Variants in AMPD3 observed in about 807,000 individuals in gnomAD.
The protein encoded by AMPD3 is AMP deaminase 3.
A neutral mutation model predicts 82.3 loss-of-function variants in AMPD3; 57 were observed. The observed-to-expected ratio is 0.69, with a 90% CI of 0.56 to 0.86. The LOEUF is 0.86. AMPD3 is among the 40% of genes least tolerant of loss of function. The probability of loss-of-function intolerance (pLI) is 0.00; values close to 1 mark genes in which losing one functional copy is unlikely to be tolerated. For missense variants in AMPD3, 870 were observed against 1,003.8 expected, an observed-to-expected ratio of 0.87 and a Z score of 1.80; for synonymous variants, 381 against 394.7, an observed-to-expected ratio of 0.97 and a Z score of 0.41.
chr11:10,478,448 G>A (rs3741043), intron 2 of AMPD3, 78 bp from the exon 3 acceptor site: 89,830 of 1,587,058 alleles, frequency 0.057, 4,980 homozygotes, highest in South Asian at 0.22. Flanking sequence ...CTCCTGCCAC[G>A]CACACAGCAA....
At chr11:10,477,843 T>A in intron 2 of AMPD3, 3 of 978,890 alleles carry the variant, frequency 3.1e-6, no homozygotes, top group Non-Finnish European at 3.6e-6. Context: ...CTGTGAGAAG[T>A]AGGCTGATCT....
chr11:10,470,026 C>T lies in AMPD3; in HGVS notation c.221+8286C>T, dbSNP rs61553296. On this transcript the variant is annotated intron_variant, in intron 2 of 14. Transcript: ENST00000396553. ...CTGCACTCCAGCCTGGGCGACAGAGCGAGACTCCGTCTCAAAAAAAAAAAA... is the reference window on the plus strand; with the variant it reads ...CTGCACTCCAGCCTGGGCGACAGAGTGAGACTCCGTCTCAAAAAAAAAAAA... 9.4e-3 allele frequency among the ~76,000 whole-genome samples: 1,285 copies of T among 137,298 alleles called. 18 individuals are homozygous for T. Among genetic ancestry groups the T allele is most frequent in the African/African-American group, 0.033 (1,209 of 36,426 alleles). 90.1% of individuals were successfully genotyped at this position (137,298 alleles called of 152,430 possible). A position where few individuals can be genotyped will look rare whatever the true frequency, so the allele number is the denominator to read the frequency against.
At chr11:10,472,538 G>A (rs922035711) in intron 2 of AMPD3, among the ~76,000 whole-genome samples, 2 of 152,148 alleles carry the variant, frequency 1.3e-5, no homozygotes, top group African/African-American at 4.8e-5. Flanking sequence ...TGTTTTGAGT[G>A]AAATTGAGAA....
intron 10 of AMPD3, among the ~76,000 whole-genome samples, chr11:10,498,635 T>C (rs1005402344): frequency 6.6e-6 from 1 of 152,208 alleles, no homozygotes; most frequent in South Asian, 2.1e-4. Context: ...CACACAGGGC[T>C]CTGTGACACG....
intron 6 of AMPD3, 126 bp downstream of exon 6, chr11:10,487,490 C>T (rs1186750752): frequency 1.8e-5 from 25 of 1,375,526 alleles, no homozygotes; most frequent in Middle Eastern, 2.4e-4. Flanking sequence ...GGGCGGCCTT[C>T]GTGGCCAGAG....
At chr11:10,489,550 G>T (rs1329499399) in intron 6 of AMPD3, among the ~76,000 whole-genome samples, 1 of 152,174 alleles carries the variant, frequency 6.6e-6, no homozygotes, top group Admixed American at 6.5e-5. Flanking sequence ...TCTGGACAGA[G>T]ATGACCTTGA....
chr11:10,494,538 G>T (rs933090061), intron 7 of AMPD3: 1 of 984,798 alleles, frequency 1.0e-6, no homozygotes, highest in Non-Finnish European at 1.2e-6. Context: ...ACAAAACATT[G>T]AATGATATAA....
upstream of AMPD3, among the ~76,000 whole-genome samples, chr11:10,454,696 G>A (rs144691230): frequency 6.6e-6 from 1 of 152,126 alleles, no homozygotes; most frequent in African/African-American, 2.4e-5. Flanking sequence ...TTCCCTGAAC[G>A]TGTCGGACTT....
At chr11:10,491,002 G>A (rs145002683) in intron 6 of AMPD3, among the ~76,000 whole-genome samples, 72 of 152,328 alleles carry the variant, frequency 4.7e-4, no homozygotes, top group African/African-American at 1.6e-3. Flanking sequence ...TAACGACATG[G>A]GCTGGCTGGC....
chr11:10,499,873 A>G (rs1849526414), intron 10 of AMPD3: 3 of 985,134 alleles, frequency 3.0e-6, no homozygotes, highest in South Asian at 4.7e-5. Flanking sequence ...CAGAGTACCT[A>G]TGGAAGCTCC....
intron 3 of AMPD3, chr11:10,479,831 A>G (rs1195228112): frequency 2.3e-6 from 2 of 877,070 alleles, no homozygotes; most frequent in Admixed American, 1.2e-4. Context: ...TGTACATAGT[A>G]TTCCTTTATG....
intron 6 of AMPD3, among the ~76,000 whole-genome samples, 170 bp from the exon 7 acceptor site, chr11:10,493,179 C>T (rs114282583): frequency 2.6e-5 from 4 of 152,134 alleles, no homozygotes; most frequent in Non-Finnish European, 5.9e-5. Flanking sequence ...GGGAGGGATA[C>T]CAGTTCCGAA....
At position 10,502,704 on chromosome 11, in the gene AMPD3, CG is replaced by C; in HGVS notation, c.1843-15del. 1.2e-6 allele frequency: 2 copies of C among 1,613,770 alleles called. No individual in the cohort carries two copies. The highest frequency in any genetic ancestry group is 8.5e-7 in the Non-Finnish European group (1 of 1,179,898). The stretch of plus-strand genomic sequence containing the variant: ...CTCTCTGGCACTTGTCACATGAGTT[CG>C]GTGGTTCTTTTGCAGAGTCCGGTAT... On this transcript the variant is annotated splice_polypyrimidine_tract_variant and intron_variant, in intron 12 of 14. Coordinates refer to ENST00000396553, the MANE Select transcript of AMPD3 (RefSeq NM_001025389.2).
intron 10 of AMPD3, 34 bp from the exon 11 acceptor site, chr11:10,500,052 C>T: frequency 6.2e-7 from 1 of 1,613,838 alleles, no homozygotes. Context: ...CCTGGTCCTG[C>T]CTTGGCCTGG....
chr11:10,464,318 T>A (rs1318775893), intron 2 of AMPD3, among the ~76,000 whole-genome samples: 1 of 152,216 alleles, frequency 6.6e-6, no homozygotes, highest in Non-Finnish European at 1.5e-5. Context: ...TGGATATTCT[T>A]AGTATTCTGA....
intron 2 of AMPD3, among the ~76,000 whole-genome samples, chr11:10,469,511 A>G (rs934937843): frequency 2.0e-5 from 3 of 152,214 alleles, no homozygotes; most frequent in Non-Finnish European, 4.4e-5. Context: ...TGAATAGCCT[A>G]CCAACCAAAA....
chr11:10,480,396 C>G (rs183297832), intron 3 of AMPD3, among the ~76,000 whole-genome samples: 59 of 151,822 alleles, frequency 3.9e-4, no homozygotes, highest in African/African-American at 1.3e-3. Flanking sequence ...CTCACCTATT[C>G]CTGCCGCTCT....
chr11:10,494,903 G>A lies in AMPD3; in HGVS notation c.1139G>A (p.Arg380Gln), dbSNP rs749864147. 35 of 1,613,906 alleles carry A rather than the reference G, an allele frequency of 2.2e-5. No homozygotes were observed. Among genetic ancestry groups the A allele is most frequent in the Middle Eastern group, 1.7e-4 (1 of 6,026 alleles). ...TVDSLDVHAG[R>Q]QTFHRFDKFN... is the part of the protein sequence containing the mutation. ...TGGTGTGGTCTCCCCCCTCAGGGCC[G>A]GCAGACATTCCACCGCTTTGACAAG... is the stretch of plus-strand genomic sequence containing the variant. The change falls in exon 8 of 15, where the codon CGG (arginine) becomes CAG (glutamine). Residue 380 changes from arginine (R) to glutamine (Q), a missense_variant. Physicochemically the swap from Arg to Gln is conservative, Grantham distance 43. Coordinates refer to ENST00000396553, the MANE Select transcript of AMPD3 (RefSeq NM_001025389.2).
At chr11:10,493,210 G>T (rs1448455439) in intron 6 of AMPD3, 139 bp from the exon 7 acceptor site, 4 of 952,278 alleles carry the variant, frequency 4.2e-6, no homozygotes, top group Non-Finnish European at 5.1e-6. Flanking sequence ...GAAATGGGGG[G>T]TGGGATCCAG....
Sources: gnomAD v4.1 joint callset for allele counts (sites outside exome capture counted in the v4.1 genomes callset) on GRCh38, gnomAD v4.1.1 for gene constraint, MANE v1.5 for transcripts, NCBI Gene and HGNC (gene_info 2026-07-23, HGNC 2026-07-21) for gene names.